RUNX3: variants seen among roughly 807,000 people sequenced by gnomAD.
The protein encoded by RUNX3 is runt-related transcription factor 3.
A neutral mutation model predicts 27.7 loss-of-function variants in RUNX3; 10 were observed. The observed-to-expected ratio is 0.36, with a 90% confidence interval of 0.22 to 0.61. The LOEUF is 0.61. RUNX3 is among the 20% of genes least tolerant of loss of function. RUNX3 has a pLI of 0.72. For missense variants in RUNX3, 469 were observed against 629.5 expected (o/e 0.75, Z 2.73); for synonymous variants, 270 against 269.2 (o/e 1.00, Z -0.03).
In RUNX3 at chr1:24,927,881, A is replaced by C. The variant is rs1641130337; in HGVS notation, c.283-151T>G. ...ATGCAGGGTGGAGAAGAGGCTTAAA[A>C]ACAATAAAGACCTTCCCCCAAATAT... On this transcript the variant is annotated intron_variant, in intron 1 of 4. Coordinates refer to ENST00000308873, the MANE Select transcript of RUNX3 (RefSeq NM_004350.3). This position sits in a 1 kb window ranked among gnomAD's most constrained non-coding sequence, Gnocchi z 5.0. 1.6e-6 allele frequency: 1 copy of C among 640,474 alleles called. No individual in the cohort carries two copies. Among genetic ancestry groups the C allele is most frequent in the Non-Finnish European group, 2.7e-6 (1 of 368,906 alleles). 39.7% of individuals were successfully genotyped at this position (640,474 alleles called of 1,614,324 possible).
chr1:24,943,970 G>A lies in RUNX3; in HGVS notation c.59-14118C>T, dbSNP rs1291857976. On this transcript the variant is annotated intron_variant, in intron 2 of 6. Coordinates refer to the RUNX3 transcript ENST00000338888. This position sits in a 1 kb window ranked among gnomAD's most constrained non-coding sequence, Gnocchi z 4.6. ...AAGATCACCAGTTCCCTGGTGTTGT[G>A]GGAGGTGAGACTGTGCCCCTCTCTG... Among the ~76,000 whole-genome samples, 1 of 152,184 alleles carries A rather than the reference G, an allele frequency of 6.6e-6. No individual in the cohort carries two copies. The highest frequency in any genetic ancestry group is 1.5e-5 in the Non-Finnish European group (1 of 68,028).
intron 3 of RUNX3, among the ~76,000 whole-genome samples, chr1:24,918,445 G>T (rs1032377627): frequency 6.6e-6 from 1 of 152,190 alleles, no homozygotes; most frequent in Non-Finnish European, 1.5e-5. Flanking sequence ...CTGCTAAAAG[G>T]TCTTCTAAAC....
intron 4 of RUNX3, among the ~76,000 whole-genome samples, 192 bp downstream of exon 4, chr1:24,907,067 G>A (rs560219209): frequency 1.3e-4 from 20 of 152,368 alleles, no homozygotes; most frequent in Non-Finnish European, 1.5e-4. Flanking sequence ...CTGAGTGAAC[G>A]AATGATGGCT....
rs1324709083 is a variant in RUNX3 at position 24,917,000 on chromosome 1, A to G, written c.544+2240T>C. Among the ~76,000 whole-genome samples, 1 of 152,242 alleles carries G rather than the reference A, an allele frequency of 6.6e-6. No individual in the cohort carries two copies. The highest frequency in any genetic ancestry group is 2.4e-5 in the African/African-American group (1 of 41,558). The stretch of plus-strand genomic sequence containing the variant: ...AAGAGCAGGCAGGGGATTCTGCTGG[A>G]ATCTCCCACAGGCAGGGCTGAGTCT... On this transcript the variant is annotated intron_variant, in intron 3 of 4. Coordinates refer to ENST00000308873, the MANE Select transcript of RUNX3 (RefSeq NM_004350.3). The surrounding 1 kb of genome is among the most constrained non-coding windows in gnomAD (Gnocchi z 4.8).
chr1:24,943,613 C>T lies in RUNX3; in HGVS notation c.59-13761G>A, dbSNP rs143831452. On this transcript the variant is annotated intron_variant, in intron 2 of 6. Transcript: ENST00000338888. This position sits in a 1 kb window ranked among gnomAD's most constrained non-coding sequence, Gnocchi z 4.6. ...AGTTGGCCAGTGCGGAGAGGACCCC[C>T]GAAGATCTCTGAGGCTAGTCCCCTT... Among the ~76,000 whole-genome samples, 156 of 152,272 alleles carry T rather than the reference C, an allele frequency of 1.0e-3. 1 individual carries two copies. The highest frequency in any genetic ancestry group is 3.6e-3 in the African/African-American group (151 of 41,548).
At chr1:24,953,507 G>C (rs1402623119) in intron 2 of RUNX3, among the ~76,000 whole-genome samples, 1 of 148,836 alleles carries the variant, frequency 6.7e-6, no homozygotes, top group Non-Finnish European at 1.5e-5. Flanking sequence ...AATGAAATAA[G>C]ATAAAAAATT....
intron 2 of RUNX3, among the ~76,000 whole-genome samples, chr1:24,937,331 C>T (rs191424918): frequency 2.6e-5 from 4 of 152,360 alleles, no homozygotes; most frequent in East Asian, 3.9e-4. Context: ...AAAGGTCCTG[C>T]GTTTTCATTT....
intron 2 of RUNX3, among the ~76,000 whole-genome samples, chr1:24,958,194 C>T (rs1641997892): frequency 6.6e-6 from 1 of 152,146 alleles, no homozygotes; most frequent in Non-Finnish European, 1.5e-5. Flanking sequence ...AGTTGCTCCT[C>T]CCAACCACCC....
At chr1:24,937,526 C>A (rs965241912) in intron 2 of RUNX3, among the ~76,000 whole-genome samples, 2 of 152,220 alleles carry the variant, frequency 1.3e-5, no homozygotes, top group African/African-American at 4.8e-5. Context: ...GTGAATTGGG[C>A]AGATGTGGAA....
At chr1:24,928,350 T>C (rs1571323892) in intron 1 of RUNX3, among the ~76,000 whole-genome samples, 1 of 152,258 alleles carries the variant, frequency 6.6e-6, no homozygotes, top group South Asian at 2.1e-4. Flanking sequence ...CTTTTGATAA[T>C]GGAAGGATGC....
intron 3 of RUNX3, among the ~76,000 whole-genome samples, chr1:24,910,763 G>T (rs1002951087): frequency 1.3e-5 from 2 of 152,208 alleles, no homozygotes; most frequent in African/African-American, 4.8e-5. Flanking sequence ...TGGGACACTT[G>T]GTGGCAGGAA....
intron 2 of RUNX3, among the ~76,000 whole-genome samples, chr1:24,935,771 G>T (rs1302390572): frequency 6.6e-6 from 1 of 152,196 alleles, no homozygotes; most frequent in Non-Finnish European, 1.5e-5. Context: ...AACACCTGCC[G>T]CATGCTGGGA....
At chr1:24,961,386 GGTA>G (rs1259387533) in intron 2 of RUNX3, 1 of 152,244 alleles carries the variant, frequency 6.6e-6, no homozygotes, top group Non-Finnish European at 1.5e-5. Context: ...GGGACCCTGA[GGTA>G]GTAGGAGCTC....
chr1:24,902,330 G>A lies in RUNX3; in HGVS notation c.1040C>T (p.Ala347Val). Residue 347 changes from alanine (A) to valine (V), a missense_variant, in exon 5 of 5, where the codon GCC (alanine) becomes GTC (valine). By Grantham distance (64) the Ala-to-Val change is moderately conservative. Coordinates refer to ENST00000308873, the MANE Select transcript of RUNX3 (RefSeq NM_004350.3). This position sits in a 1 kb window ranked among gnomAD's most constrained non-coding sequence, Gnocchi z 9.2. ...GCGGTCGCCCCCACTGCTGCTGCCG[G>A]CCACCATGGAGAACTGGTAGGAGCC... The part of the protein sequence containing the change: ...SSGSYQFSMV[A>V]GSSSGGDRSP... 6.2e-7 allele frequency: 1 copy of A among 1,610,518 alleles called. No homozygotes were observed. Among genetic ancestry groups the A allele is most frequent in the Non-Finnish European group, 8.5e-7 (1 of 1,179,470 alleles).
chr1:24,960,672 G>C (rs113363028), intron 2 of RUNX3, among the ~76,000 whole-genome samples: 6 of 152,260 alleles, frequency 3.9e-5, no homozygotes, highest in African/African-American at 9.6e-5. Flanking sequence ...TGGTGTGAGG[G>C]GGGGGTGCCC....
chr1:24,920,964 A>G, intron 2 of RUNX3, among the ~76,000 whole-genome samples: 1 of 151,992 alleles, frequency 6.6e-6, no homozygotes, highest in East Asian at 1.9e-4. Flanking sequence ...AGATTTGCGG[A>G]TCCCCCAAGC....
chr1:24,961,693 A>C (rs894209823), intron 2 of RUNX3: 14 of 152,240 alleles, frequency 9.2e-5, no homozygotes, highest in African/African-American at 3.4e-4. Context: ...CTGATTCCGC[A>C]GTCTGAGGTA....
intron 2 of RUNX3, among the ~76,000 whole-genome samples, chr1:24,957,982 G>A (rs1364053591): frequency 6.6e-6 from 1 of 152,250 alleles, no homozygotes; most frequent in Non-Finnish European, 1.5e-5. Flanking sequence ...CTAGTCTTGT[G>A]CCTGCTCAGC....
intron 3 of RUNX3, among the ~76,000 whole-genome samples, chr1:24,911,528 G>A (rs968608935): frequency 2.0e-5 from 3 of 152,304 alleles, no homozygotes; most frequent in African/African-American, 7.2e-5. Flanking sequence ...CTGGCCTAAG[G>A]TGTGGACACT....
Sources: gnomAD v4.1 joint callset for allele counts (sites outside exome capture counted in the v4.1 genomes callset) on GRCh38, gnomAD v4.1.1 for gene constraint, Gnocchi (gnomAD v3.1) non-coding constraint, MANE v1.5 for transcripts, NCBI Gene and HGNC (gene_info 2026-07-23, HGNC 2026-07-21) for gene names.